The following CTNNA3 variants were observed in gnomAD, a reference collection of about 807,000 sequenced individuals.
CTNNA3 encodes the protein catenin alpha-3.
In CTNNA3, 76 loss-of-function variants were observed where a neutral mutation model predicts 95.7. The ratio of observed to expected loss-of-function variants is 0.79; its 90% CI spans 0.66 to 0.96. CTNNA3 has a LOEUF of 0.96. CTNNA3 is among the 40% of genes least tolerant of loss of function. The pLI is 0.00. For synonymous variants in CTNNA3, 431 were observed against 374.4 expected, an observed-to-expected ratio of 1.15 and a Z score of -1.74; for missense variants, 1,191 against 1,089.8, an observed-to-expected ratio of 1.09 and a Z score of -1.31.
At chr10:66,876,251 T>C (rs544086546) in intron 7 of CTNNA3, among the ~76,000 whole-genome samples, 22 of 152,116 alleles carry the variant, frequency 1.4e-4, no homozygotes, top group African/African-American at 4.8e-4. Context: ...AACAACAAAC[T>C]AGTTAAACAG....
chr10:65,996,355 G>C (rs971447964), intron 15 of CTNNA3, among the ~76,000 whole-genome samples: 1 of 152,072 alleles, frequency 6.6e-6, no homozygotes, highest in East Asian at 1.9e-4. Flanking sequence ...CCATAACCTG[G>C]GGTGCAAGTT....
intron 10 of CTNNA3, among the ~76,000 whole-genome samples, chr10:66,541,116 T>C (rs1841836570): frequency 6.6e-6 from 1 of 152,264 alleles, no homozygotes; most frequent in East Asian, 1.9e-4. Flanking sequence ...AATTTGGTGA[T>C]TTCAATGGAG....
intron 10 of CTNNA3, among the ~76,000 whole-genome samples, chr10:66,569,969 G>C (rs987729367): frequency 2.6e-5 from 4 of 152,096 alleles, no homozygotes; most frequent in Non-Finnish European, 5.9e-5. Flanking sequence ...AGGAGAGTGA[G>C]CATAGGGAAG....
At chr10:66,302,759 T>C (rs2091880739) in intron 12 of CTNNA3, among the ~76,000 whole-genome samples, 1 of 152,100 alleles carries the variant, frequency 6.6e-6, no homozygotes, top group South Asian at 2.1e-4. Context: ...TTAAAATAAA[T>C]AGTTTAAAAA....
At chr10:67,192,875 A>T (rs1217144100) in intron 6 of CTNNA3, among the ~76,000 whole-genome samples, 1 of 152,028 alleles carries the variant, frequency 6.6e-6, no homozygotes, top group African/African-American at 2.4e-5. Flanking sequence ...ATGAATAAAG[A>T]AATGGTCATA....
chr10:66,015,068 A>T (rs1037064254), intron 15 of CTNNA3, among the ~76,000 whole-genome samples: 1 of 152,062 alleles, frequency 6.6e-6, no homozygotes, highest in East Asian at 1.9e-4. Context: ...ACACCACTGC[A>T]CTTCAGCATG....
intron 10 of CTNNA3, among the ~76,000 whole-genome samples, chr10:66,566,545 A>G (rs922481674): frequency 1.3e-5 from 2 of 151,948 alleles, no homozygotes; most frequent in African/African-American, 4.8e-5. Flanking sequence ...GAGTGGGCGT[A>G]TTTATTTTTG....
At chr10:66,213,408 T>A (rs1173122655) in intron 13 of CTNNA3, among the ~76,000 whole-genome samples, 1 of 152,158 alleles carries the variant, frequency 6.6e-6, no homozygotes, top group East Asian at 1.9e-4. Flanking sequence ...AATTTATATA[T>A]CATACTAGCT....
chr10:67,585,185 A>G (rs1374123291), intron 3 of CTNNA3, among the ~76,000 whole-genome samples: 1 of 152,160 alleles, frequency 6.6e-6, no homozygotes, highest in Non-Finnish European at 1.5e-5. Flanking sequence ...CTATTTGGCC[A>G]TCTTGGAACC....
intron 7 of CTNNA3, among the ~76,000 whole-genome samples, chr10:67,074,033 T>C (rs957982653): frequency 7.7e-5 from 9 of 117,458 alleles, no homozygotes; most frequent in African/African-American, 2.7e-4. Context: ...CCATTTTAAC[T>C]CTTTTTTTTT....
chr10:67,438,032 T>C (rs1050223057), intron 5 of CTNNA3, among the ~76,000 whole-genome samples: 14 of 149,096 alleles, frequency 9.4e-5, no homozygotes, highest in Admixed American at 2.7e-4. Context: ...TTAAACTTGC[T>C]AAAAAAAAAG....
At chr10:66,483,080 G>A (rs1839597496) in intron 11 of CTNNA3, among the ~76,000 whole-genome samples, 1 of 152,154 alleles carries the variant, frequency 6.6e-6, no homozygotes, top group Non-Finnish European at 1.5e-5. Flanking sequence ...TGCAGTAGCT[G>A]GGGGAAGACT....
chr10:66,880,406 T>C (rs1844801410), intron 7 of CTNNA3, among the ~76,000 whole-genome samples: 1 of 152,212 alleles, frequency 6.6e-6, no homozygotes, highest in East Asian at 1.9e-4. Context: ...GGAGAGCTGA[T>C]GGACAGGCAG....
In CTNNA3 at chr10:67,135,367, T is replaced by C. The variant is rs141617696; in HGVS notation, c.1047+44950A>G. On this transcript the variant is annotated intron_variant, in intron 7 of 17. Coordinates refer to ENST00000433211, the MANE Select transcript of CTNNA3 (RefSeq NM_013266.4). ...GTGTCACAACAGACCTGACCAGATA[T>C]ATGCAGTAACAACAATGGACATACA... Among the ~76,000 whole-genome samples the C allele has an allele frequency of 1.7e-3, 259 of 152,212 alleles. 1 individual carries two copies. The highest frequency in any genetic ancestry group is 5.3e-3 in the African/African-American group (222 of 41,556).
chr10:66,783,899 T>G lies in CTNNA3; in HGVS notation c.1048-8375A>C, dbSNP rs117040691. On this transcript the variant is annotated intron_variant, in intron 7 of 17. Coordinates refer to ENST00000433211, the MANE Select transcript of CTNNA3 (RefSeq NM_013266.4). ...CCTACTCTGTTTCCCAAGCCAGGTTTTCATAGTTTAATAATACTCAGTATG... is the reference window on the plus strand; with the variant it reads ...CCTACTCTGTTTCCCAAGCCAGGTTGTCATAGTTTAATAATACTCAGTATG... Among the ~76,000 whole-genome samples, 157 of 152,230 alleles carry G rather than the reference T, an allele frequency of 1.0e-3. 3 individuals are homozygous for G. The East Asian group carries it at 0.024, about 24-fold the overall frequency.
intron 5 of CTNNA3, among the ~76,000 whole-genome samples, chr10:67,376,658 T>G (rs1843701822): frequency 6.6e-6 from 1 of 152,172 alleles, no homozygotes; most frequent in South Asian, 2.1e-4. Flanking sequence ...GGTTAGATAT[T>G]AAGTTAGGAC....
intron 7 of CTNNA3, among the ~76,000 whole-genome samples, chr10:67,071,840 A>AT (rs1856485600): frequency 6.6e-6 from 1 of 152,214 alleles, no homozygotes; most frequent in Admixed American, 6.5e-5. Context: ...TCAGTTCACT[A>AT]AACTTGTATT....
At chr10:67,066,195 CTTTTTTT>C (rs71006118) in intron 7 of CTNNA3, among the ~76,000 whole-genome samples, 1 of 123,076 alleles carries the variant, frequency 8.1e-6, no homozygotes, top group Non-Finnish European at 1.6e-5. Flanking sequence ...AAGTCACTGG[CTTTTTTT>C]TTTTTTTTTT....
At chr10:66,498,872 G>A (rs908419678) in intron 11 of CTNNA3, among the ~76,000 whole-genome samples, 1 of 152,058 alleles carries the variant, frequency 6.6e-6, no homozygotes, top group Admixed American at 6.6e-5. Flanking sequence ...GCCTATGTTG[G>A]GCATCTCTGA....
Sources: allele counts gnomAD v4.1 joint callset (sites outside exome capture counted in the v4.1 genomes callset), GRCh38; gene constraint gnomAD v4.1.1; transcripts MANE v1.5; gene names NCBI Gene and HGNC (gene_info 2026-07-23, HGNC 2026-07-21).